The following DYM variants were observed in gnomAD, a reference collection of about 807,000 sequenced individuals.
DYM encodes the protein dyggve-Melchior-Clausen syndrome protein.
A neutral mutation model predicts 93.1 loss-of-function variants in DYM; 78 were observed. That is an observed-to-expected ratio of 0.84 (90% confidence interval 0.70 to 1.01). The LOEUF is 1.01. Among genes scored for constraint, DYM ranks in the 50% least tolerant of loss-of-function variants. The probability of loss-of-function intolerance (pLI) is 0.00; values close to 1 mark genes in which losing one functional copy is unlikely to be tolerated. For missense variants in DYM, 789 were observed against 845.0 expected, an observed-to-expected ratio of 0.93 and a Z score of 0.82; for synonymous variants, 321 against 319.7, an observed-to-expected ratio of 1.00 and a Z score of -0.04.
At position 49,197,114 on chromosome 18, in the gene DYM, T is replaced by C. The variant is rs986922466; in HGVS notation, c.1625+12437A>G. On this transcript the variant is annotated intron_variant, in intron 14 of 17. Coordinates refer to ENST00000675505, the MANE Select transcript of DYM (RefSeq NM_001353214.3). Reference sequence around the variant, plus strand: ...TATGGAGAAAGCTTAAGAGTTCTCTTGGGAGATGGGACATGTGAGGTATGA... The same window carrying C: ...TATGGAGAAAGCTTAAGAGTTCTCTCGGGAGATGGGACATGTGAGGTATGA... Among the ~76,000 whole-genome samples the C allele has an allele frequency of 3.9e-5, 6 of 152,082 alleles. No homozygotes were observed. The South Asian group carries it at 6.2e-4, about 16-fold the overall frequency.
chr18:49,293,662 G>A (rs142164109), intron 8 of DYM, among the ~76,000 whole-genome samples: 1 of 152,176 alleles, frequency 6.6e-6, no homozygotes, highest in East Asian at 1.9e-4. Context: ...CTTTTTGATG[G>A]GGTTGTTTGC....
intron 6 of DYM, among the ~76,000 whole-genome samples, chr18:49,353,347 G>A (rs1312043414): frequency 1.3e-5 from 2 of 151,888 alleles, no homozygotes; most frequent in African/African-American, 4.8e-5. Context: ...GCTTCCTTTT[G>A]TGTACTTCCT....
At chr18:49,400,046 T>G (rs534581620) in intron 2 of DYM, among the ~76,000 whole-genome samples, 3 of 132,610 alleles carry the variant, frequency 2.3e-5, no homozygotes, top group Non-Finnish European at 4.7e-5. Flanking sequence ...GCTCAAGCAA[T>G]CCTCCTGCCT....
intron 15 of DYM, among the ~76,000 whole-genome samples, chr18:49,142,034 T>G (rs1386590380): frequency 6.6e-6 from 1 of 151,478 alleles, no homozygotes; most frequent in Non-Finnish European, 1.5e-5. Context: ...TTTTTTTTTT[T>G]TGTATCTTTA....
chr18:49,289,725 G>GTA (rs2059918213), intron 8 of DYM, among the ~76,000 whole-genome samples: 6 of 13,740 alleles, frequency 4.4e-4, no homozygotes, highest in African/African-American at 8.0e-4. Context: ...ATATATATAT[G>GTA]TGTATATATA....
At chr18:49,451,443 C>T (rs1007312601) in intron 1 of DYM, among the ~76,000 whole-genome samples, 2 of 152,178 alleles carry the variant, frequency 1.3e-5, no homozygotes, top group Admixed American at 6.5e-5. Flanking sequence ...ACACAGTCCC[C>T]GCACAGGGTT....
intron 8 of DYM, among the ~76,000 whole-genome samples, chr18:49,309,923 A>G (rs1411837946): frequency 6.6e-6 from 1 of 152,226 alleles, no homozygotes; most frequent in African/African-American, 2.4e-5. Context: ...GACGGCATGG[A>G]CCCAGAATTC....
At chr18:49,122,133 T>C (rs9963976) in intron 15 of DYM, among the ~76,000 whole-genome samples, 3,809 of 152,274 alleles carry the variant, frequency 0.025, 149 homozygotes, top group African/African-American at 0.085. Context: ...GTTTCCTTGT[T>C]TCTATGAATA....
chr18:49,300,774 T>C (rs1230918548), intron 8 of DYM, among the ~76,000 whole-genome samples: 1 of 152,170 alleles, frequency 6.6e-6, no homozygotes, highest in Admixed American at 6.5e-5. Flanking sequence ...ATGTTTTCCA[T>C]ATAGGTCTCT....
At chr18:49,091,182 T>C (rs541152074) in intron 17 of DYM, among the ~76,000 whole-genome samples, 4 of 152,228 alleles carry the variant, frequency 2.6e-5, no homozygotes, top group Admixed American at 1.3e-4. Flanking sequence ...TCAGCAAATA[T>C]TAAAGTGCCC....
rs755274525 is a variant in DYM, at chr18:49,176,393, T to TA, written c.1626-12607dup. Among the ~76,000 whole-genome samples the TA allele has an allele frequency of 8.5e-5, 13 of 152,164 alleles. No individual in the cohort carries two copies. The East Asian group carries it at 1.9e-3, about 23-fold the overall frequency. On this transcript the variant is annotated intron_variant, in intron 14 of 17. Transcript: ENST00000675505. The stretch of plus-strand genomic sequence containing the variant: ...TTCATGCAAATTTCATTTGTGTTTT[T>TA]AACATAAGCACATTTTTTTTCAATT...
At chr18:49,447,849 T>A (rs2082222941) in intron 1 of DYM, among the ~76,000 whole-genome samples, 1 of 152,152 alleles carries the variant, frequency 6.6e-6, no homozygotes. Context: ...GGCATATAGC[T>A]CAAGGGGAAG....
At chr18:49,454,543 G>A (rs540618871) in intron 1 of DYM, among the ~76,000 whole-genome samples, 5 of 152,022 alleles carry the variant, frequency 3.3e-5, no homozygotes, top group African/African-American at 1.2e-4. Context: ...CTCTGTAGAC[G>A]TCATGCATGA....
At chr18:49,458,851 A>C (rs1292659630) in intron 1 of DYM, among the ~76,000 whole-genome samples, 3 of 152,156 alleles carry the variant, frequency 2.0e-5, no homozygotes, top group Non-Finnish European at 2.9e-5. Flanking sequence ...ACCACCACCA[A>C]CAAAAAAAAG....
chr18:49,085,286 G>T (rs1481845658), intron 17 of DYM, among the ~76,000 whole-genome samples: 1 of 152,132 alleles, frequency 6.6e-6, no homozygotes, highest in Non-Finnish European at 1.5e-5. Context: ...TAATGCTAAA[G>T]AAAAGGTGAC....
chr18:49,396,021 T>A (rs2070025696), intron 2 of DYM, among the ~76,000 whole-genome samples: 1 of 152,102 alleles, frequency 6.6e-6, no homozygotes, highest in African/African-American at 2.4e-5. Context: ...AAAAAGAGCC[T>A]GGCACCTCCC....
At chr18:49,157,693 T>C (rs184189210) in intron 15 of DYM, among the ~76,000 whole-genome samples, 1 of 152,356 alleles carries the variant, frequency 6.6e-6, no homozygotes, top group East Asian at 1.9e-4. Flanking sequence ...TTTGCAAATA[T>C]CCTCTCCCAT....
intron 2 of DYM, among the ~76,000 whole-genome samples, chr18:49,407,246 G>C (rs2148134012): frequency 6.6e-6 from 1 of 152,284 alleles, no homozygotes; most frequent in South Asian, 2.1e-4. Flanking sequence ...ACTGTATCTT[G>C]ATCATGGTTG....
chr18:49,156,426 T>C (rs1002914422), intron 15 of DYM, among the ~76,000 whole-genome samples: 1 of 150,280 alleles, frequency 6.7e-6, no homozygotes, highest in African/African-American at 2.5e-5. Flanking sequence ...CGCCCCCCCC[T>C]CAAAAAAAAC....
Sources: allele counts gnomAD v4.1 joint callset (sites outside exome capture counted in the v4.1 genomes callset), GRCh38; gene constraint gnomAD v4.1.1; transcripts MANE v1.5; gene names NCBI Gene and HGNC (gene_info 2026-07-23, HGNC 2026-07-21).